ATP8A2: variants seen among roughly 807,000 people sequenced by gnomAD.
The protein encoded by ATP8A2 is phospholipid-transporting ATPase IB.
ATP8A2 carries 100 observed loss-of-function variants against 165.6 expected under a neutral mutation model. The observed-to-expected ratio is 0.60, with a 90% CI of 0.51 to 0.71. The LOEUF is 0.71. Ranked by LOEUF, ATP8A2 falls within the 30% of genes least tolerant of loss-of-function variation. The probability of loss-of-function intolerance (pLI) is 0.00; values close to 1 mark genes in which losing one functional copy is unlikely to be tolerated. For missense variants in ATP8A2, 1,227 were observed against 1,479.5 expected (o/e 0.83, Z 2.80); for synonymous variants, 543 against 548.8 (o/e 0.99, Z 0.15).
At chr13:25,631,997 GA>G (rs1370695726) in intron 24 of ATP8A2, among the ~76,000 whole-genome samples, 1 of 152,054 alleles carries the variant, frequency 6.6e-6, no homozygotes, top group African/African-American at 2.4e-5. Context: ...CCCGACCTTA[GA>G]ATCCAATCGC....
chr13:26,011,887 AT>A (rs1160562424), intron 35 of ATP8A2, among the ~76,000 whole-genome samples: 1 of 152,140 alleles, frequency 6.6e-6, no homozygotes, highest in East Asian at 1.9e-4. Context: ...GTGAGCTATG[AT>A]TGTGCCACTG....
intron 25 of ATP8A2, among the ~76,000 whole-genome samples, chr13:25,758,369 AAGAGGAGTAAAACAAGTCCCTAACACC>A (rs2138232209): frequency 6.6e-6 from 1 of 152,320 alleles, no homozygotes; most frequent in South Asian, 2.1e-4. Context: ...TAAAGGTCTA[AAGAGGAGTAAAACAAGTCCCTAACACC>A]AAGTAGCTTG....
intron 33 of ATP8A2, among the ~76,000 whole-genome samples, chr13:25,959,517 G>A (rs1955607549): frequency 6.6e-6 from 1 of 152,200 alleles, no homozygotes; most frequent in Admixed American, 6.5e-5. Flanking sequence ...ATTGACAAAT[G>A]TGTAATAAAG....
chr13:25,527,723 A>G (rs1344310910), intron 2 of ATP8A2, among the ~76,000 whole-genome samples: 2 of 152,096 alleles, frequency 1.3e-5, no homozygotes, highest in African/African-American at 4.8e-5. Flanking sequence ...TTTTGCCACA[A>G]GCAAGATTCC....
At chr13:25,517,071 G>A (rs112856766) in intron 2 of ATP8A2, 19,132 of 146,724 alleles carry the variant, frequency 0.13, 1,428 homozygotes, top group Non-Finnish European at 0.18. Flanking sequence ...ATGAGCCACC[G>A]TGCCTGGTCA....
chr13:25,606,941 G>A (rs1287802702), intron 24 of ATP8A2, among the ~76,000 whole-genome samples: 1 of 152,110 alleles, frequency 6.6e-6, no homozygotes, highest in Non-Finnish European at 1.5e-5. Context: ...CCCAGGGCAC[G>A]AAACAGTACT....
intron 23 of ATP8A2, among the ~76,000 whole-genome samples, chr13:25,582,703 C>T (rs1189511924): frequency 6.6e-6 from 1 of 152,142 alleles, no homozygotes; most frequent in Admixed American, 6.5e-5. Flanking sequence ...AAGAAACCTG[C>T]TAGAGCCTTT....
intron 1 of ATP8A2, among the ~76,000 whole-genome samples, chr13:25,403,820 C>CG (rs2033714439): frequency 3.3e-5 from 5 of 152,174 alleles, no homozygotes; most frequent in Admixed American, 6.5e-5. Flanking sequence ...GTAGATGACT[C>CG]AAAGTTGGGA....
rs760913719 is a variant in ATP8A2, at chr13:25,435,846, AATTTT to A, written c.77-33124_77-33120del. Among the ~76,000 whole-genome samples the A allele has an allele frequency of 2.8e-3, 424 of 152,128 alleles. 1 individual carries two copies. Among genetic ancestry groups the A allele is most frequent in the Admixed American group, 4.0e-3 (61 of 15,286 alleles). On this transcript the variant is annotated intron_variant, in intron 1 of 36. Transcript: ENST00000381655. ...AAGAATCTTATTTATGCTTCCCCTA[AATTTT>A]ATTTTAAACTGTAGACTAAAATGAT...
At chr13:25,860,934 G>T in intron 32 of ATP8A2, 74 bp downstream of exon 32, 1 of 1,081,160 alleles carries the variant, frequency 9.2e-7, no homozygotes. Context: ...TTAAGCCTTG[G>T]GGAAACCATA....
chr13:25,892,556 CAATGGAAACAACA>C (rs904215142), intron 33 of ATP8A2, among the ~76,000 whole-genome samples: 2 of 144,418 alleles, frequency 1.4e-5, no homozygotes, highest in African/African-American at 5.5e-5. Context: ...AGTCAAAAGG[CAATGGAAACAACA>C]AATGGAAACA....
intron 2 of ATP8A2, among the ~76,000 whole-genome samples, chr13:25,522,626 G>A (rs1319196891): frequency 6.6e-6 from 1 of 152,098 alleles, no homozygotes; most frequent in Admixed American, 6.5e-5. Flanking sequence ...AAGAGATACT[G>A]AATTTTGTCA....
intron 35 of ATP8A2, among the ~76,000 whole-genome samples, chr13:25,993,202 C>G (rs1446873167): frequency 2.6e-5 from 4 of 151,868 alleles, no homozygotes; most frequent in African/African-American, 9.7e-5. Flanking sequence ...GGGTATATAC[C>G]CAGTAATGGG....
intron 11 of ATP8A2, among the ~76,000 whole-genome samples, chr13:25,552,076 T>G (rs1420712816): frequency 6.6e-6 from 1 of 151,052 alleles, no homozygotes; most frequent in African/African-American, 2.4e-5. Flanking sequence ...ACCCTCCACC[T>G]CCTGGGTTCA....
At chr13:25,712,698 C>T (rs1297637734) in intron 25 of ATP8A2, among the ~76,000 whole-genome samples, 2 of 152,170 alleles carry the variant, frequency 1.3e-5, no homozygotes, top group Non-Finnish European at 2.9e-5. Context: ...GCTTAGATTT[C>T]CATACTGCTC....
In ATP8A2 at chr13:25,532,123, ACAAAAT is replaced by A. The variant is rs2038133583; in HGVS notation, c.421-148_421-143del. The A allele has an allele frequency of 8.8e-6, 6 of 679,594 alleles. No individual in the cohort carries two copies. The East Asian group carries it at 1.7e-4, about 19-fold the overall frequency. The allele number at this position is 679,594 out of a possible 1,614,324, so 42.1% of individuals were successfully genotyped here. A position where few individuals can be genotyped will look rare whatever the true frequency, so the allele number is the denominator to read the frequency against. ...TAAACTTAGGGAGTGCTGATAGATC[ACAAAAT>A]TGTCTAACTGAATTTTACAGCATGA... On this transcript the variant is annotated intron_variant, in intron 4 of 36. Transcript: ENST00000381655.
At chr13:25,695,921 A>C (rs1384558119) in intron 24 of ATP8A2, among the ~76,000 whole-genome samples, 4 of 152,182 alleles carry the variant, frequency 2.6e-5, no homozygotes, top group Non-Finnish European at 5.9e-5. Context: ...AAAATGGTGA[A>C]TCCTTGCTGA....
intron 1 of ATP8A2, among the ~76,000 whole-genome samples, chr13:25,440,441 A>G (rs1010378785): frequency 1.1e-4 from 17 of 152,144 alleles, no homozygotes; most frequent in African/African-American, 4.1e-4. Context: ...GTACTCAAGA[A>G]CTATGCCAGG....
At chr13:25,881,415 G>A (rs1011658651) in intron 33 of ATP8A2, among the ~76,000 whole-genome samples, 7 of 152,134 alleles carry the variant, frequency 4.6e-5, no homozygotes, top group Admixed American at 2.6e-4. Context: ...TGCTTTTTCT[G>A]TAAAAGTTAA....
Sources: gnomAD v4.1 joint callset for allele counts (sites outside exome capture counted in the v4.1 genomes callset) on GRCh38, gnomAD v4.1.1 for gene constraint, MANE v1.5 for transcripts, NCBI Gene and HGNC (gene_info 2026-07-23, HGNC 2026-07-21) for gene names.